FLT3LG: variants seen among roughly 807,000 people sequenced by gnomAD.
FLT3LG encodes the protein fms related receptor tyrosine kinase 3 ligand.
FLT3LG carries 8 observed loss-of-function variants against 30.9 expected under a neutral mutation model. That is an observed-to-expected ratio of 0.26 (90% confidence interval 0.15 to 0.47). The LOEUF (loss-of-function observed/expected upper bound fraction) is 0.47. FLT3LG is among the 20% of genes least tolerant of loss of function. The probability of loss-of-function intolerance (pLI) is 0.99; values close to 1 mark genes in which losing one functional copy is unlikely to be tolerated. For missense variants in FLT3LG, 278 were observed against 306.2 expected, an observed-to-expected ratio of 0.91 and a Z score of 0.69; for synonymous variants, 123 against 135.9, an observed-to-expected ratio of 0.91 and a Z score of 0.66.
In FLT3LG at chr19:49,479,563, G is replaced by A. The variant is rs553711862; in HGVS notation, c.481+516G>A. 9.7e-5 allele frequency: 14 copies of A among 145,016 alleles called. No individual in the cohort carries two copies. In the South Asian group the frequency reaches 2.4e-3, roughly 25 times the overall value. The allele number at this position is 145,016 out of a possible 1,614,324, so 9.0% of individuals were successfully genotyped here. A position where few individuals can be genotyped will look rare whatever the true frequency, so the allele number is the denominator to read the frequency against. ...GTCCCCCAGGCTGGAGTGCAGGGGT[G>A]CTATCTCGGCTCACTGCAAGCTCTG... On this transcript the variant is annotated intron_variant, in intron 6 of 8. Coordinates refer to ENST00000597551, the MANE Select transcript of FLT3LG (RefSeq NM_001459.4).
At chr19:49,478,778 A>G (rs567387015) in intron 5 of FLT3LG, 131 bp from the exon 6 acceptor site, 1 of 813,590 alleles carries the variant, frequency 1.2e-6, no homozygotes, top group African/African-American at 1.8e-5. Flanking sequence ...AATTAATTAA[A>G]TAAATAAACT....
chr19:49,479,102 T>G, intron 6 of FLT3LG, 55 bp downstream of exon 6: 1 of 1,538,768 alleles, frequency 6.5e-7, no homozygotes, highest in Non-Finnish European at 8.8e-7. Flanking sequence ...CGGCCGCTCC[T>G]CCTCTCTGCA....
chr19:49,475,732 T>G lies in FLT3LG; in HGVS notation c.75T>G (p.Ser25Arg). The G allele has an allele frequency of 6.2e-7, 1 of 1,611,452 alleles. No individual in the cohort carries two copies. The highest frequency in any genetic ancestry group is 8.5e-7 in the Non-Finnish European group (1 of 1,179,888). ...LLLLLLSSGL[S>R]GTQDCSFQHS... The stretch of plus-strand genomic sequence containing the variant: ...TGCTGCTGCTGAGCTCGGGACTCAG[T>G]GGGACCCAGGACTGCTCCTTCCAAC... Residue 25 changes from serine to arginine, a missense_variant, in exon 3 of 9, where the codon AGT (serine) becomes AGG (arginine). Ser to Arg is a moderately radical substitution (Grantham distance 110, BLOSUM62 -1). This residue lies in a region of FLT3LG where 40 missense variants were observed against 34.3 expected (regional missense o/e 1.17). Coordinates refer to ENST00000597551, the MANE Select transcript of FLT3LG (RefSeq NM_001459.4).
At chr19:49,478,763 A>AAATT (rs143539042) in intron 5 of FLT3LG, 146 bp from the exon 6 acceptor site, 1 of 736,948 alleles carries the variant, frequency 1.4e-6, no homozygotes. Flanking sequence ...TCTCAAAAAA[A>AAATT]AATTAATTAA....
intron 1 of FLT3LG, 38 bp downstream of exon 1, chr19:49,474,319 C>T (rs1001246541): frequency 2.5e-5 from 13 of 523,448 alleles, no homozygotes; most frequent in Non-Finnish European, 4.1e-5. Context: ...CCCCAAGGGG[C>T]GGAGCCAGGG....
intron 8 of FLT3LG, chr19:49,481,195 G>C (rs2122551853): frequency 6.5e-6 from 1 of 154,336 alleles, no homozygotes; most frequent in Middle Eastern, 3.3e-3. Flanking sequence ...TCAGGGGTCA[G>C]AGATCAGGAG....
At chr19:49,485,031 G>C (rs2122590279) in intron 8 of FLT3LG, among the ~76,000 whole-genome samples, 1 of 152,054 alleles carries the variant, frequency 6.6e-6, no homozygotes, top group East Asian at 2.0e-4. Flanking sequence ...AGGCTGCAGT[G>C]AGCTGAGATC....
At chr19:49,478,337 G>T (rs1040172591) in intron 5 of FLT3LG, among the ~76,000 whole-genome samples, 3 of 151,910 alleles carry the variant, frequency 2.0e-5, no homozygotes, top group Admixed American at 2.0e-4. Flanking sequence ...CGTGGTGGCA[G>T]GCGCCTGTAG....
chr19:49,480,301 C>T lies in FLT3LG; in HGVS notation c.485C>T (p.Ser162Phe), dbSNP rs758947536. 2 of 1,595,964 alleles carry T rather than the reference C, an allele frequency of 1.3e-6. No homozygotes were observed. The highest frequency in any genetic ancestry group is 1.7e-6 in the Non-Finnish European group (2 of 1,168,420). Reference protein sequence around the residue: ...RCLELQCQPDSSTLPPPWSPR... With the variant: ...RCLELQCQPDFSTLPPPWSPR... Reference sequence around the variant, plus strand: ...CCAGCCTCCTCTTTCTCCCCAGACTCCTCAACCCTGCCACCCCCATGGAGT... The same window carrying T: ...CCAGCCTCCTCTTTCTCCCCAGACTTCTCAACCCTGCCACCCCCATGGAGT... Residue 162 changes from serine to phenylalanine, a missense_variant, in exon 7 of 9, where the codon TCC becomes TTC. Around this residue, in one of 3 missense-constraint regions of FLT3LG, gnomAD observed 170 missense variants for 162.0 expected, o/e 1.05. Transcript: ENST00000597551.
Position 49,476,459 on chromosome 19 carries a change from G to C in FLT3LG, c.235G>C (p.Ala79Pro). The change falls in exon 5 of 9, where the codon GCA becomes CCA. Residue 79 changes from alanine to proline, a missense_variant. Physicochemically the swap from Ala to Pro is conservative, Grantham distance 27 (BLOSUM62 -1). Coordinates refer to ENST00000597551, the MANE Select transcript of FLT3LG (RefSeq NM_001459.4). The surrounding 1 kb of genome is among the most constrained non-coding windows in gnomAD (Gnocchi z 5.3). The part of the protein sequence containing the change: ...LCGGLWRLVL[A>P]QRWMERLKTV... ...CGGGGGCCTCTGGCGGCTGGTCCTGGCACAGCGCTGGATGGAGCGGCTCAA... is the reference window on the plus strand; with the variant it reads ...CGGGGGCCTCTGGCGGCTGGTCCTGCCACAGCGCTGGATGGAGCGGCTCAA... 6.2e-7 allele frequency: 1 copy of C among 1,613,950 alleles called. No individual in the cohort carries two copies. Among genetic ancestry groups the C allele is most frequent in the Non-Finnish European group, 8.5e-7 (1 of 1,179,982 alleles).
At position 49,480,632 on chromosome 19, in the gene FLT3LG, C is replaced by T. The variant is rs2079572516; in HGVS notation, c.*21+12C>T. The stretch of plus-strand genomic sequence containing the variant: ...AAGGCCTCATCCTGGTGAGTCCTTC[C>T]TGGGCTATGGGGCCTGGACTTTGTG... On this transcript the variant is annotated intron_variant, in intron 8 of 8. Transcript: ENST00000597551. The T allele has an allele frequency of 1.2e-6, 2 of 1,602,276 alleles. No homozygotes were observed. Among genetic ancestry groups the T allele is most frequent in the Middle Eastern group, 1.7e-4 (1 of 5,868 alleles).
intron 5 of FLT3LG, among the ~76,000 whole-genome samples, chr19:49,478,192 G>A (rs948892027): frequency 7.5e-6 from 1 of 134,102 alleles, no homozygotes; most frequent in African/African-American, 3.2e-5. Context: ...AAATAGGCTG[G>A]GCACGGTGGC....
At chr19:49,478,185 T>TAAATAAAG in intron 5 of FLT3LG, among the ~76,000 whole-genome samples, 1 of 138,904 alleles carries the variant, frequency 7.2e-6, no homozygotes. Context: ...AATAAATAAA[T>TAAATAAAG]AGGCTGGGCA....
chr19:49,484,229 T>G (rs2079719783), intron 8 of FLT3LG, among the ~76,000 whole-genome samples: 1 of 150,334 alleles, frequency 6.7e-6, no homozygotes, highest in Non-Finnish European at 1.5e-5. Context: ...TGAGCAGTTT[T>G]CCTCCCAACC....
intron 2 of FLT3LG, among the ~76,000 whole-genome samples, 168 bp downstream of exon 2, chr19:49,474,840 AGG>A (rs1421401170): frequency 1.8e-5 from 2 of 110,280 alleles, no homozygotes; most frequent in Admixed American, 1.0e-4. Flanking sequence ...CGGACAGAGG[AGG>A]GGGAGATGGA....
Sources: gnomAD v4.1 joint callset for allele counts (sites outside exome capture counted in the v4.1 genomes callset) on GRCh38, gnomAD v4.1.1 for gene constraint, gnomAD v4.1.1 regional missense constraint, Gnocchi (gnomAD v3.1) non-coding constraint, MANE v1.5 for transcripts, NCBI Gene and HGNC (gene_info 2026-07-23, HGNC 2026-07-21) for gene names.